The following H2BC5 variants were observed in gnomAD, a reference collection of about 807,000 sequenced individuals.
H2BC5 encodes histone H2B type 1-D.
In H2BC5, 9 loss-of-function variants were observed where a neutral mutation model predicts 5.7. That is an observed-to-expected ratio of 1.57 (90% CI 0.95 to 2.74). H2BC5 has a LOEUF of 2.74. Among genes scored for constraint, H2BC5 ranks in the 30% most tolerant of loss-of-function variants. The probability of loss-of-function intolerance (pLI) is 0.00; values close to 1 mark genes in which losing one functional copy is unlikely to be tolerated. For missense variants in H2BC5, 175 were observed against 168.8 expected (o/e 1.04, Z -0.20); for synonymous variants, 133 against 70.9 (o/e 1.88, Z -4.40).
chr6:26,159,946 G>A (rs931478120), downstream of H2BC5, among the ~76,000 whole-genome samples: 2 of 152,174 alleles, frequency 1.3e-5, no homozygotes, highest in Non-Finnish European at 2.9e-5. Context: ...TACTCAACCC[G>A]TGGAAACTGA....
downstream of H2BC5, among the ~76,000 whole-genome samples, chr6:26,158,855 C>A (rs1764292260): frequency 6.6e-6 from 1 of 152,130 alleles, no homozygotes; most frequent in Non-Finnish European, 1.5e-5. Flanking sequence ...TTTCCGTGTG[C>A]AGATTTCCAA....
intron 1 of H2BC5, among the ~76,000 whole-genome samples, chr6:26,167,873 A>ATATT (rs966671609): frequency 1.3e-5 from 2 of 151,772 alleles, no homozygotes; most frequent in Non-Finnish European, 2.9e-5. Context: ...CTAGGGTATC[A>ATATT]TATTTATTTA....
rs550842867 is a variant in H2BC5 at position 26,168,223 on chromosome 6, C to A, written c.*10-2752C>A. On this transcript the variant is annotated intron_variant, in intron 1 of 1. Transcript: ENST00000289316. The stretch of plus-strand genomic sequence containing the variant: ...CCTGTAATACCAGCACTTTGGGAGG[C>A]CAAGGCGGGCAGATCACCTGAGGTC... Among the ~76,000 whole-genome samples, 73 of 152,096 alleles carry A rather than the reference C, an allele frequency of 4.8e-4. No homozygotes were observed. In the Middle Eastern group the frequency reaches 0.01, roughly 21 times the overall value.
At chr6:26,160,034 G>A (rs1764327439), downstream of H2BC5, among the ~76,000 whole-genome samples, 1 of 152,106 alleles carries the variant, frequency 6.6e-6, no homozygotes. Flanking sequence ...AAGAGTAGAA[G>A]GATGAACCAC....
downstream of H2BC5, chr6:26,158,625 T>C (rs1010449800): frequency 6.4e-7 from 1 of 1,570,244 alleles, no homozygotes; most frequent in African/African-American, 1.4e-5. Context: ...AATAAATGAG[T>C]TGTAATCATT....
At position 26,158,143 on chromosome 6, in the gene H2BC5, A is replaced by C. The variant is rs753884182; in HGVS notation, c.-27A>C. Reference sequence around the variant, plus strand: ...AGTGATTATTTTCTCAGGTGTTTGCAACAGTGTTCTAACTATTAACGCTAC... The same window carrying C: ...AGTGATTATTTTCTCAGGTGTTTGCCACAGTGTTCTAACTATTAACGCTAC... On this transcript the variant is annotated 5_prime_UTR_variant, in exon 1 of 1. Transcript: ENST00000377777. The C allele has an allele frequency of 1.3e-6, 2 of 1,597,560 alleles. No homozygotes were observed. The highest frequency in any genetic ancestry group is 1.8e-5 in the Admixed American group (1 of 55,704).
chr6:26,160,530 A>AAGC (rs1184947966), downstream of H2BC5, among the ~76,000 whole-genome samples: 1 of 151,018 alleles, frequency 6.6e-6, no homozygotes, highest in Non-Finnish European at 1.5e-5. Context: ...AAAAAAAAAA[A>AAGC]AAAAAAGCAA....
downstream of H2BC5, chr6:26,158,767 C>G (rs957155319): frequency 1.4e-5 from 10 of 694,102 alleles, no homozygotes; most frequent in Non-Finnish European, 2.4e-5. Flanking sequence ...GCTATGGGTA[C>G]GTATTAGATC....
chr6:26,163,596 G>C (rs1161152372), downstream of H2BC5: 1 of 152,102 alleles, frequency 6.6e-6, no homozygotes, highest in Non-Finnish European at 1.5e-5. Flanking sequence ...GCCGACTTTT[G>C]GGTGGAGGCC....
chr6:26,161,157 A>C (rs1037454365), downstream of H2BC5: 4 of 152,194 alleles, frequency 2.6e-5, no homozygotes, highest in Non-Finnish European at 5.9e-5. Flanking sequence ...GCATTGAGCC[A>C]AGATCACGCA....
intron 1 of H2BC5, among the ~76,000 whole-genome samples, chr6:26,169,677 C>T (rs536134893): frequency 9.9e-5 from 15 of 152,038 alleles, no homozygotes; most frequent in African/African-American, 3.6e-4. Flanking sequence ...CAAACTCCTA[C>T]TAAAAAAGGG....
intron 1 of H2BC5, among the ~76,000 whole-genome samples, chr6:26,165,208 C>A (rs1764404259): frequency 6.6e-6 from 1 of 152,134 alleles, no homozygotes; most frequent in Non-Finnish European, 1.5e-5. Flanking sequence ...GAGTGGGAAT[C>A]CGAAATACCC....
At chr6:26,158,645 AGGG>A, downstream of H2BC5, 2 of 1,542,194 alleles carry the variant, frequency 1.3e-6, no homozygotes, top group Non-Finnish European at 1.8e-6. Context: ...TTCATTCAAA[AGGG>A]GGGTTATTGG....
Position 26,158,391 on chromosome 6 carries a change from C to G in H2BC5, c.222C>G (p.Ile74Met), listed in dbSNP as rs1358692800. Residue 74 changes from isoleucine to methionine, a missense_variant, in exon 1 of 1, where the codon ATC becomes ATG. Coordinates refer to ENST00000377777, the MANE Select transcript of H2BC5 (RefSeq NM_021063.4). ...NSFVNDIFERIAGEASRLAHY... is the reference protein window; with the variant it reads ...NSFVNDIFERMAGEASRLAHY... The stretch of plus-strand genomic sequence containing the variant: ...TCGTCAACGACATCTTCGAGCGCAT[C>G]GCAGGCGAGGCTTCCCGCCTGGCGC... The G allele has an allele frequency of 1.2e-6, 2 of 1,614,270 alleles. No individual in the cohort carries two copies. Among genetic ancestry groups the G allele is most frequent in the Non-Finnish European group, 1.7e-6 (2 of 1,180,050 alleles).
rs370013454 is a variant in H2BC5 at position 26,158,355 on chromosome 6, C to A, written c.186C>A (p.Ile62=). 1.4e-5 allele frequency: 22 copies of A among 1,614,170 alleles called. No homozygotes were observed. In the Middle Eastern group the frequency reaches 4.9e-4, roughly 36 times the overall value. Residue 62 remains isoleucine, a synonymous_variant, in exon 1 of 1, where the codon ATC becomes ATA. Transcript: ENST00000377777. ...GCATCTCTTCCAAGGCAATGGGGATCATGAATTCCTTCGTCAACGACATCT... is the reference window on the plus strand; with the variant it reads ...GCATCTCTTCCAAGGCAATGGGGATAATGAATTCCTTCGTCAACGACATCT... ...DTGISSKAMG[I]MNSFVNDIFE...
chr6:26,164,585 C>T (rs1267454076), intron 1 of H2BC5, among the ~76,000 whole-genome samples: 2 of 143,728 alleles, frequency 1.4e-5, no homozygotes, highest in East Asian at 5.0e-4. Context: ...GAGGGGAGAG[C>T]AAGGGAGATT....
downstream of H2BC5, chr6:26,158,689 T>C: frequency 7.7e-7 from 1 of 1,306,550 alleles, no homozygotes; most frequent in Non-Finnish European, 1.0e-6. Context: ...TCTTTAATGT[T>C]ACGTTAGTAC....
chr6:26,163,890 C>T (rs1764384083), intron 1 of H2BC5, among the ~76,000 whole-genome samples: 1 of 152,120 alleles, frequency 6.6e-6, no homozygotes, highest in Non-Finnish European at 1.5e-5. Flanking sequence ...GCAATCCTGC[C>T]TCAGACTCCC....
chr6:26,168,786 C>G (rs151152429), intron 1 of H2BC5, among the ~76,000 whole-genome samples: 66 of 152,232 alleles, frequency 4.3e-4, no homozygotes, highest in African/African-American at 1.6e-3. Context: ...AGTGGTGCCA[C>G]TACAGTTTAT....
Sources: gnomAD v4.1 joint callset for allele counts (sites outside exome capture counted in the v4.1 genomes callset) on GRCh38, gnomAD v4.1.1 for gene constraint, MANE v1.5 for transcripts, NCBI Gene and HGNC (gene_info 2026-07-23, HGNC 2026-07-21) for gene names.